ZFYVE16: variants seen among roughly 807,000 people sequenced by gnomAD.
ZFYVE16 encodes the protein zinc finger FYVE domain-containing protein 16.
In ZFYVE16, 89 loss-of-function variants were observed where a neutral mutation model predicts 138.1. The observed-to-expected ratio is 0.64, with a 90% CI of 0.54 to 0.77. ZFYVE16 has a LOEUF of 0.77. ZFYVE16 is among the 30% of genes least tolerant of loss of function. ZFYVE16 has a pLI of 0.00. For missense variants in ZFYVE16, 1,793 were observed against 1,786.7 expected (o/e 1.00, Z -0.06); for synonymous variants, 596 against 618.3 (o/e 0.96, Z 0.53).
At chr5:80,426,438 C>T (rs932995607) in intron 1 of ZFYVE16, among the ~76,000 whole-genome samples, 3 of 151,856 alleles carry the variant, frequency 2.0e-5, no homozygotes, top group Admixed American at 6.6e-5. Flanking sequence ...GATGCTCTCC[C>T]CTCACCACCA....
intron 1 of ZFYVE16, among the ~76,000 whole-genome samples, chr5:80,420,371 G>A (rs1746953277): frequency 6.6e-6 from 1 of 152,018 alleles, no homozygotes; most frequent in African/African-American, 2.4e-5. Flanking sequence ...ATGTATACAT[G>A]TCCCATGTTG....
intron 1 of ZFYVE16, among the ~76,000 whole-genome samples, chr5:80,414,492 C>T (rs181493053): frequency 2.6e-4 from 39 of 152,286 alleles, no homozygotes; most frequent in African/African-American, 9.4e-4. Flanking sequence ...ATGGGATGCA[C>T]ATATTTTGGG....
Position 80,477,363 on chromosome 5 carries a change from G to A in ZFYVE16, c.4606G>A (p.Glu1536Lys), listed in dbSNP as rs763740860. ...AATAGAATTAGTGTTTTTCATTATAGAACATCTTTTTTAGTGAAAGAATGT... is the reference window on the plus strand; with the variant it reads ...AATAGAATTAGTGTTTTTCATTATAAAACATCTTTTTTAGTGAAAGAATGT... ...LEIELVFFII[E>K]HLF The change falls in exon 19 of 19, where the codon GAA becomes AAA. Residue 1536 changes from glutamate to lysine, a missense_variant. Glu to Lys is a moderately conservative substitution (Grantham distance 56). This residue lies in a region of ZFYVE16 where 498 missense variants were observed against 582.4 expected (regional missense o/e 0.86). Coordinates refer to ENST00000505560, the MANE Select transcript of ZFYVE16 (RefSeq NM_001284236.3). 1.9e-6 allele frequency: 3 copies of A among 1,604,084 alleles called. No homozygotes were observed. The highest frequency in any genetic ancestry group is 4.5e-5 in the East Asian group (2 of 44,398).
chr5:80,458,689 C>T (rs532198478), intron 14 of ZFYVE16, among the ~76,000 whole-genome samples: 50 of 152,160 alleles, frequency 3.3e-4, no homozygotes, highest in African/African-American at 1.1e-3. Flanking sequence ...GTATACATGC[C>T]GTTTTGTACA....
At chr5:80,443,325 T>C in intron 6 of ZFYVE16, 41 bp downstream of exon 6, 1 of 1,578,042 alleles carries the variant, frequency 6.3e-7, no homozygotes, top group Non-Finnish European at 8.6e-7. Context: ...AGATAAATTA[T>C]TGAAATAGAA....
At chr5:80,453,217 A>G (rs1463670672) in intron 11 of ZFYVE16, among the ~76,000 whole-genome samples, 1 of 152,218 alleles carries the variant, frequency 6.6e-6, no homozygotes, top group African/African-American at 2.4e-5. Flanking sequence ...TACATGTGTG[A>G]TGCTATTAAC....
chr5:80,473,807 T>C lies in ZFYVE16; in HGVS notation c.4241T>C (p.Ile1414Thr), dbSNP rs1754618953. The part of the protein sequence containing the change: ...ISLQGFPSEK[I>T]KLEADFETDE... Reference sequence around the variant, plus strand: ...TTACAAGGATTTCCAAGTGAAAAAATAAAACTGGAAGCAGATTTTGAAACC... The same window carrying C: ...TTACAAGGATTTCCAAGTGAAAAAACAAAACTGGAAGCAGATTTTGAAACC... The change falls in exon 17 of 19, where the codon ATA becomes ACA. Residue 1414 changes from isoleucine to threonine, a missense_variant. This residue lies in a region of ZFYVE16 where 498 missense variants were observed against 582.4 expected (regional missense o/e 0.86). Transcript: ENST00000505560. The C allele has an allele frequency of 1.2e-6, 2 of 1,613,140 alleles. No individual in the cohort carries two copies.
At position 80,441,702 on chromosome 5, in the gene ZFYVE16, T is replaced by C. The variant is rs935496084; in HGVS notation, c.2420-1421T>C. On this transcript the variant is annotated intron_variant, in intron 5 of 18. Coordinates refer to ENST00000505560, the MANE Select transcript of ZFYVE16 (RefSeq NM_001284236.3). ...GGAAGCACACGTGAATATCAATAAG[T>C]AGATTTGAGGCAAGTTAGAAATTAC... The C allele has an allele frequency of 2.0e-5, 20 of 985,302 alleles. No homozygotes were observed. In the East Asian group the frequency reaches 1.7e-3, roughly 84 times the overall value. 61.0% of individuals were successfully genotyped at this position (985,302 alleles called of 1,614,324 possible). A position where few individuals can be genotyped will look rare whatever the true frequency, so the allele number is the denominator to read the frequency against.
intron 18 of ZFYVE16, among the ~76,000 whole-genome samples, chr5:80,476,712 GTTTTGT>G (rs1754945339): frequency 6.6e-6 from 1 of 152,142 alleles, no homozygotes; most frequent in South Asian, 2.1e-4. Flanking sequence ...TGGAAAAGGG[GTTTTGT>G]TTTTATCTCA....
At chr5:80,445,175 G>T (rs1561289982) in intron 6 of ZFYVE16, 88 bp from the exon 7 acceptor site, 3 of 1,490,026 alleles carry the variant, frequency 2.0e-6, no homozygotes, top group Non-Finnish European at 2.7e-6. Flanking sequence ...ATAGCAAAAA[G>T]CTTTTGAAAA....
Position 80,438,153 on chromosome 5 carries a change from C to T in ZFYVE16, c.1468C>T (p.Pro490Ser), listed in dbSNP as rs1223887193. The T allele has an allele frequency of 6.2e-7, 1 of 1,613,694 alleles. No individual in the cohort carries two copies. Among genetic ancestry groups the T allele is most frequent in the African/African-American group, 1.3e-5 (1 of 74,846 alleles). Reference protein sequence around the residue: ...SQEGLSGTHVPESSDCCEGFI... With the variant: ...SQEGLSGTHVSESSDCCEGFI... Reference sequence around the variant, plus strand: ...AGAGGGGCTTTCTGGCACTCATGTCCCAGAGTCTTCTGATTGTTGTGAAGG... The same window carrying T: ...AGAGGGGCTTTCTGGCACTCATGTCTCAGAGTCTTCTGATTGTTGTGAAGG... Residue 490 changes from proline to serine, a missense_variant, in exon 4 of 19, where the codon CCA (proline) becomes TCA (serine). Physicochemically the swap from Pro to Ser is moderately conservative, Grantham distance 74 (BLOSUM62 -1). Coordinates refer to ENST00000505560, the MANE Select transcript of ZFYVE16 (RefSeq NM_001284236.3).
chr5:80,426,262 GTGTGT>G (rs1748023254), intron 1 of ZFYVE16, among the ~76,000 whole-genome samples: 1 of 57,176 alleles, frequency 1.7e-5, no homozygotes, highest in African/African-American at 4.4e-5. Flanking sequence ...GTGTGTGTGT[GTGTGT>G]GTGTGTATAT....
intron 1 of ZFYVE16, chr5:80,410,368 T>C (rs758841118): frequency 6.6e-6 from 1 of 152,178 alleles, no homozygotes; most frequent in Non-Finnish European, 1.5e-5. Context: ...TCGAGTACTT[T>C]TATTATTTTA....
intron 18 of ZFYVE16, among the ~76,000 whole-genome samples, chr5:80,476,755 G>A (rs1754949305): frequency 6.6e-6 from 1 of 152,176 alleles, no homozygotes; most frequent in South Asian, 2.1e-4. Context: ...TTTCAAGGAA[G>A]CACTCACTAT....
At chr5:80,464,141 A>G (rs1170229174) in intron 15 of ZFYVE16, among the ~76,000 whole-genome samples, 2 of 152,162 alleles carry the variant, frequency 1.3e-5, no homozygotes, top group Admixed American at 6.5e-5. Flanking sequence ...AAGTATCTTT[A>G]TAGCAACACC....
chr5:80,441,219 T>C, intron 5 of ZFYVE16: 4 of 985,420 alleles, frequency 4.1e-6, no homozygotes, highest in Non-Finnish European at 4.8e-6. Context: ...TAAACATCCA[T>C]GAAGATTTGA....
rs1349135894 is a variant in ZFYVE16 at position 80,477,559 on chromosome 5, A to C, written c.*182A>C. 1 of 460,346 alleles carries C rather than the reference A, an allele frequency of 2.2e-6. No individual in the cohort carries two copies. Among genetic ancestry groups the C allele is most frequent in the African/African-American group, 2.0e-5 (1 of 49,002 alleles). The allele number at this position is 460,346 out of a possible 1,614,324, so 28.5% of individuals were successfully genotyped here. A position where few individuals can be genotyped will look rare whatever the true frequency, so the allele number is the denominator to read the frequency against. On this transcript the variant is annotated 3_prime_UTR_variant, in exon 19 of 19. Transcript: ENST00000505560. ...TAGCACAATATTTAAATATCTAAAA[A>C]TTTAAGAGATCCATACTTTCTGTAG...
chr5:80,440,191 T>C (rs1399637379), intron 5 of ZFYVE16, 159 bp downstream of exon 5: 5 of 1,246,944 alleles, frequency 4.0e-6, no homozygotes, highest in Middle Eastern at 3.2e-4. Flanking sequence ...TTCTCTTCTT[T>C]TTGTTCCACT....
intron 3 of ZFYVE16, among the ~76,000 whole-genome samples, chr5:80,436,116 C>G (rs928054351): frequency 6.6e-6 from 1 of 152,164 alleles, no homozygotes; most frequent in Non-Finnish European, 1.5e-5. Context: ...ATCAACAGCT[C>G]CAGATTCACA....
Sources: gnomAD v4.1 joint callset for allele counts (sites outside exome capture counted in the v4.1 genomes callset) on GRCh38, gnomAD v4.1.1 for gene constraint, gnomAD v4.1.1 regional missense constraint, MANE v1.5 for transcripts, NCBI Gene and HGNC (gene_info 2026-07-23, HGNC 2026-07-21) for gene names.